Variants in SP3 observed in about 807,000 individuals in gnomAD.
SP3 encodes transcription factor Sp3.
In SP3, 10 loss-of-function variants were observed where a neutral mutation model predicts 70.3. That is an observed-to-expected ratio of 0.14 (90% CI 0.09 to 0.24). The LOEUF is 0.24. SP3 is among the 10% of genes least tolerant of loss of function. SP3 has a pLI of 1.00. For missense variants in SP3, 825 were observed against 914.6 expected, an observed-to-expected ratio of 0.90 and a Z score of 1.26; for synonymous variants, 402 against 333.5, an observed-to-expected ratio of 1.21 and a Z score of -2.24.
At position 173,913,235 on chromosome 2, in the gene SP3, T is replaced by C; in HGVS notation, c.1864A>G (p.Ile622Val). The C allele has an allele frequency of 6.2e-7, 1 of 1,600,988 alleles. No individual in the cohort carries two copies. The highest frequency in any genetic ancestry group is 1.7e-4 in the Middle Eastern group (1 of 6,018). The change falls in exon 6 of 7, where the codon ATT becomes GTT. Residue 622 changes from isoleucine (I) to valine (V), a missense_variant. Coordinates refer to ENST00000310015, the MANE Select transcript of SP3 (RefSeq NM_003111.5). ...GTNLGKKKQHICHIPGCGKVY... is the reference protein window; with the variant it reads ...GTNLGKKKQHVCHIPGCGKVY... ...TTACCACATCCTGGTATATGACAAA[T>C]GTGTTGCTTCTTTTTCCCAAGATTG...
chr2:173,917,271 G>C (rs181372707), intron 5 of SP3, among the ~76,000 whole-genome samples: 6 of 152,206 alleles, frequency 3.9e-5, no homozygotes, highest in Non-Finnish European at 5.9e-5. Flanking sequence ...TTACTGCCTA[G>C]TTAGAATTCA....
At chr2:173,943,912 T>C (rs919941545) in intron 4 of SP3, among the ~76,000 whole-genome samples, 4 of 152,230 alleles carry the variant, frequency 2.6e-5, no homozygotes, top group African/African-American at 4.8e-5. Context: ...GCTATAGGTA[T>C]AGTCTATTGT....
Position 173,913,071 on chromosome 2 carries a change from T to C in SP3, c.2028A>G (p.Thr676=). The change falls in exon 6 of 7, where the codon ACA becomes ACG. Residue 676 remains threonine (T), a splice_region_variant and synonymous_variant. Coordinates refer to ENST00000310015, the MANE Select transcript of SP3 (RefSeq NM_003111.5). ...DELQRHRRTH[T]GEKKFVCPEC... is the part of the protein sequence containing the mutation. ...CTGTTAAAAGTAAGTATTAGTAACC[T>C]GTATGTGTTCTTCTGTGCCTCTGTA... 6.2e-7 allele frequency: 1 copy of C among 1,600,836 alleles called. No individual in the cohort carries two copies. Among genetic ancestry groups the C allele is most frequent in the Non-Finnish European group, 8.5e-7 (1 of 1,171,974 alleles).
At chr2:173,918,498 A>G in intron 5 of SP3, 95 bp downstream of exon 5, 7 of 1,252,402 alleles carry the variant, frequency 5.6e-6, no homozygotes, top group Non-Finnish European at 7.7e-6. Flanking sequence ...TCATGTAATA[A>G]TTTCTCATAA....
intron 4 of SP3, among the ~76,000 whole-genome samples, chr2:173,934,090 A>AC (rs1314675354): frequency 1.3e-5 from 2 of 152,098 alleles, no homozygotes; most frequent in Non-Finnish European, 2.9e-5. Context: ...ACATAAAAAA[A>AC]TTAGCAAGGC....
chr2:173,963,948 G>A, intron 2 of SP3, 65 bp from the exon 3 acceptor site: 8 of 1,197,298 alleles, frequency 6.7e-6, no homozygotes, highest in South Asian at 1.7e-5. Context: ...GGGTCGGGCC[G>A]CCTTTCGCAC....
intron 1 of SP3, chr2:173,964,875 C>T (rs1691241925): frequency 2.0e-6 from 1 of 498,130 alleles, no homozygotes; most frequent in African/African-American, 2.1e-5. Flanking sequence ...CTCGCACCGT[C>T]AGTCACTCAC....
chr2:173,922,775 G>A (rs538080291), intron 4 of SP3, among the ~76,000 whole-genome samples: 109 of 152,290 alleles, frequency 7.2e-4, no homozygotes, highest in Non-Finnish European at 1.1e-3. Context: ...AATCACTGGT[G>A]ATCTTGACAA....
At chr2:173,940,538 G>A (rs1181203612) in intron 4 of SP3, among the ~76,000 whole-genome samples, 1 of 152,142 alleles carries the variant, frequency 6.6e-6, no homozygotes, top group Non-Finnish European at 1.5e-5. Flanking sequence ...CTAACAAACT[G>A]AGAATGGAGA....
Position 173,905,677 on chromosome 2 carries a change from G to GA in SP3, c.*4263dup, listed in dbSNP as rs749315831. On this transcript the variant is annotated 3_prime_UTR_variant, in exon 7 of 7. Coordinates refer to ENST00000310015, the MANE Select transcript of SP3 (RefSeq NM_003111.5). ...TAACATCAAATAAAAGCCAACATGGGAAAAAAAAAAACCTTGTATACCCTT... is the reference window on the plus strand; with the variant it reads ...TAACATCAAATAAAAGCCAACATGGGAAAAAAAAAAAACCTTGTATACCCTT... 0.038 allele frequency among the ~76,000 whole-genome samples: 5,496 copies of GA among 146,342 alleles called. 161 individuals carry two copies. Among genetic ancestry groups the GA allele is most frequent in the Admixed American group, 0.11 (1,555 of 14,758 alleles).
At chr2:173,965,466 G>T, upstream of SP3, 1 of 368,242 alleles carries the variant, frequency 2.7e-6, no homozygotes, top group Non-Finnish European at 4.9e-6. Flanking sequence ...CCTGTCCGTC[G>T]GTCTGCCAGG....
Position 173,902,931 on chromosome 2 carries a change from T to C in SP3, c.*7010A>G, listed in dbSNP as rs1038004105. Among the ~76,000 whole-genome samples the C allele has an allele frequency of 6.6e-6, 1 of 152,116 alleles. No homozygotes were observed. Among genetic ancestry groups the C allele is most frequent in the East Asian group, 1.9e-4 (1 of 5,200 alleles). ...GATCATTCCTTTCTAAAAGAAAAAA[T>C]ATATAGGTAAAAATAAGACTATAAA... On this transcript the variant is annotated 3_prime_UTR_variant, in exon 7 of 7. Transcript: ENST00000310015.
intron 4 of SP3, among the ~76,000 whole-genome samples, chr2:173,931,446 C>A (rs1188770546): frequency 1.3e-5 from 2 of 152,082 alleles, no homozygotes; most frequent in Non-Finnish European, 2.9e-5. Context: ...CGGGTTCAAG[C>A]GATTCTTCTG....
rs991297660 is a variant in SP3 at position 173,902,432 on chromosome 2, C to T, written c.*7509G>A. Among the ~76,000 whole-genome samples the T allele has an allele frequency of 1.3e-5, 2 of 152,138 alleles. No homozygotes were observed. Among genetic ancestry groups the T allele is most frequent in the East Asian group, 3.8e-4 (2 of 5,196 alleles). On this transcript the variant is annotated 3_prime_UTR_variant, in exon 7 of 7. Coordinates refer to ENST00000310015, the MANE Select transcript of SP3 (RefSeq NM_003111.5). ...ATCAATTTGGAAGTATCTGGTGAAA[C>T]TGAAGATTAAGAATATCCTGTTGGC...
intron 4 of SP3, among the ~76,000 whole-genome samples, chr2:173,936,162 C>G (rs541137908): frequency 6.6e-6 from 1 of 152,094 alleles, no homozygotes; most frequent in East Asian, 1.9e-4. Flanking sequence ...GTTGCTCGGA[C>G]TACAAGCACA....
At chr2:173,954,596 T>C (rs886648332) in intron 4 of SP3, among the ~76,000 whole-genome samples, 7 of 152,124 alleles carry the variant, frequency 4.6e-5, no homozygotes, top group African/African-American at 1.7e-4. Context: ...TGCCTGACAA[T>C]ATCAATCAGA....
intron 4 of SP3, among the ~76,000 whole-genome samples, chr2:173,949,338 T>C (rs955657195): frequency 2.0e-5 from 3 of 151,360 alleles, no homozygotes; most frequent in African/African-American, 7.3e-5. Context: ...AATACTTTAT[T>C]CAAGGCTAGT....
At chr2:173,924,709 T>C (rs1273321366) in intron 4 of SP3, among the ~76,000 whole-genome samples, 3 of 152,314 alleles carry the variant, frequency 2.0e-5, no homozygotes, top group Admixed American at 1.3e-4. Flanking sequence ...TGCAAAACCA[T>C]ATTGCAGATA....
chr2:173,919,271 G>A (rs1404822145), intron 4 of SP3, among the ~76,000 whole-genome samples: 2 of 152,156 alleles, frequency 1.3e-5, no homozygotes, highest in East Asian at 3.8e-4. Context: ...CCCAAAAAGT[G>A]TTATACCCAA....
Sources: gnomAD v4.1 joint callset for allele counts (sites outside exome capture counted in the v4.1 genomes callset) on GRCh38, gnomAD v4.1.1 for gene constraint, MANE v1.5 for transcripts, NCBI Gene and HGNC (gene_info 2026-07-23, HGNC 2026-07-21) for gene names.